The following SRFBP1 variants were observed in gnomAD, a reference collection of about 807,000 sequenced individuals.
SRFBP1 encodes serum response factor-binding protein 1.
In SRFBP1, 47 loss-of-function variants were observed where a neutral mutation model predicts 45.5. That is an observed-to-expected ratio of 1.03 (90% CI 0.82 to 1.32). The LOEUF is 1.32. Ranked by LOEUF, SRFBP1 falls within the 40% of genes most tolerant of loss-of-function variation. SRFBP1 has a pLI of 0.00. For missense variants in SRFBP1, 621 were observed against 484.6 expected (o/e 1.28, Z -2.64); for synonymous variants, 203 against 166.3 (o/e 1.22, Z -1.70).
chr5:121,991,985 C>T (rs975042960), intron 3 of SRFBP1, among the ~76,000 whole-genome samples: 2 of 151,974 alleles, frequency 1.3e-5, no homozygotes, highest in Non-Finnish European at 2.9e-5. Context: ...ATTTATGGCA[C>T]GTAGTGTTTG....
chr5:121,964,814 G>C (rs1297562496), intron 1 of SRFBP1, among the ~76,000 whole-genome samples: 1 of 152,172 alleles, frequency 6.6e-6, no homozygotes, highest in Admixed American at 6.5e-5. Context: ...CACCAACAGT[G>C]TAAAAGCATT....
rs1345841826 is a variant in SRFBP1, at chr5:122,048,972, TTTG to T, written n.312-26339_312-26337del. On this transcript the variant is annotated intron_variant and non_coding_transcript_variant, in intron 2 of 2. Transcript: ENST00000504881. ...TTAGTATTGCTAGCGGTCTATCAAT[TTTG>T]TTGATCTTTTCAAAAAATGAGCTCC... Among the ~76,000 whole-genome samples the T allele has an allele frequency of 3.9e-5, 6 of 152,254 alleles. No homozygotes were observed. The East Asian group carries it at 1.2e-3, about 29-fold the overall frequency.
chr5:121,999,066 G>C (rs1418981925), intron 4 of SRFBP1, among the ~76,000 whole-genome samples: 1 of 151,896 alleles, frequency 6.6e-6, no homozygotes, highest in African/African-American at 2.4e-5. Context: ...TTCTTAATGT[G>C]GAAGCTTAAA....
chr5:122,063,308 A>C (rs1464984997), intron 2 of SRFBP1: 1 of 151,986 alleles, frequency 6.6e-6, no homozygotes, highest in Non-Finnish European at 1.5e-5. Flanking sequence ...ATGTCTGAGC[A>C]TTTAAAATAA....
At chr5:121,991,000 C>G (rs956721451) in intron 3 of SRFBP1, among the ~76,000 whole-genome samples, 18 of 151,160 alleles carry the variant, frequency 1.2e-4, no homozygotes, top group Admixed American at 2.0e-4. Flanking sequence ...GGCTTACCTG[C>G]TTTCCAGTGC....
intron 1 of SRFBP1, among the ~76,000 whole-genome samples, chr5:121,963,055 G>C (rs1228333651): frequency 1.3e-5 from 2 of 152,154 alleles, no homozygotes; most frequent in South Asian, 2.1e-4. Flanking sequence ...ACTTGTCCTT[G>C]GTCTTTAGGG....
intron 4 of SRFBP1, among the ~76,000 whole-genome samples, chr5:122,010,252 A>C (rs1047190702): frequency 6.6e-6 from 1 of 152,072 alleles, no homozygotes; most frequent in African/African-American, 2.4e-5. Context: ...TTATAAGTAC[A>C]TGGAGTTCTA....
At chr5:122,032,777 GTCTT>G (rs1291340023), downstream of SRFBP1, among the ~76,000 whole-genome samples, 1 of 152,194 alleles carries the variant, frequency 6.6e-6, no homozygotes, top group Non-Finnish European at 1.5e-5. Context: ...TTGCAGGTCT[GTCTT>G]CAGGGTAAAT....
intron 4 of SRFBP1, among the ~76,000 whole-genome samples, chr5:121,998,711 A>G (rs1248845029): frequency 6.6e-6 from 1 of 151,276 alleles, no homozygotes; most frequent in Non-Finnish European, 1.5e-5. Context: ...AATATTTTTT[A>G]TGAATATCTC....
intron 4 of SRFBP1, among the ~76,000 whole-genome samples, chr5:122,008,681 G>C (rs564345666): frequency 5.5e-4 from 83 of 151,646 alleles, no homozygotes; most frequent in Non-Finnish European, 9.7e-4. Context: ...TGTGTAGATA[G>C]TCATTCAAAT....
At chr5:121,965,753 A>G (rs187588987) in intron 1 of SRFBP1, among the ~76,000 whole-genome samples, 4 of 152,236 alleles carry the variant, frequency 2.6e-5, no homozygotes, top group African/African-American at 9.6e-5. Context: ...TGATGGGGAT[A>G]GCTTTAAATC....
At chr5:121,985,723 C>G (rs1433169868) in intron 3 of SRFBP1, among the ~76,000 whole-genome samples, 1 of 151,660 alleles carries the variant, frequency 6.6e-6, no homozygotes, top group Non-Finnish European at 1.5e-5. Flanking sequence ...GAGCATTTAC[C>G]AAATGCCATG....
At chr5:122,000,354 A>G (rs1383269563) in intron 4 of SRFBP1, among the ~76,000 whole-genome samples, 2 of 152,038 alleles carry the variant, frequency 1.3e-5, no homozygotes, top group African/African-American at 2.4e-5. Context: ...ATAAAAATAA[A>G]TCATTTTTAT....
chr5:121,971,165 T>A (rs535236482), intron 1 of SRFBP1, among the ~76,000 whole-genome samples: 8 of 152,062 alleles, frequency 5.3e-5, no homozygotes, highest in Middle Eastern at 3.4e-3. Context: ...GGTACGACAT[T>A]GGATATATAC....
intron 3 of SRFBP1, among the ~76,000 whole-genome samples, chr5:121,979,547 A>G (rs1451912077): frequency 6.6e-6 from 1 of 152,218 alleles, no homozygotes; most frequent in Admixed American, 6.5e-5. Context: ...TTAATCTTAC[A>G]CTATAATTAT....
At chr5:122,029,770 T>C (rs1580535848), downstream of SRFBP1, among the ~76,000 whole-genome samples, 1 of 152,336 alleles carries the variant, frequency 6.6e-6, no homozygotes, top group East Asian at 1.9e-4. Context: ...AACTGTTGTT[T>C]GGTGTATTTT....
At chr5:122,015,996 T>C (rs76731319) in intron 4 of SRFBP1, among the ~76,000 whole-genome samples, 4,153 of 152,254 alleles carry the variant, frequency 0.027, 197 homozygotes, top group African/African-American at 0.094. Context: ...GGTGAACATT[T>C]ATTGATTATG....
At chr5:122,077,825 A>G, downstream of SRFBP1, 1 of 1,551,156 alleles carries the variant, frequency 6.4e-7, no homozygotes, top group Non-Finnish European at 8.7e-7. The surrounding 1 kb of genome is among the most constrained non-coding windows in gnomAD (Gnocchi z 4.9). Flanking sequence ...CAAGCTGAAC[A>G]CCTGCCCGTT....
chr5:122,047,606 G>A (rs1489946457), intron 2 of SRFBP1, among the ~76,000 whole-genome samples: 3 of 152,012 alleles, frequency 2.0e-5, no homozygotes, highest in African/African-American at 7.3e-5. Context: ...AGCTTGATGG[G>A]GATGGCATTG....
Sources: allele counts gnomAD v4.1 joint callset (sites outside exome capture counted in the v4.1 genomes callset), GRCh38; gene constraint gnomAD v4.1.1; non-coding constraint Gnocchi (gnomAD v3.1); transcripts MANE v1.5; gene names NCBI Gene and HGNC (gene_info 2026-07-23, HGNC 2026-07-21).